The following SCNN1B variants were observed in gnomAD, a reference collection of about 807,000 sequenced individuals.
SCNN1B encodes the protein epithelial sodium channel subunit beta.
In SCNN1B, 46 loss-of-function variants were observed where a neutral mutation model predicts 65.3. The observed-to-expected ratio is 0.70, with a 90% CI of 0.56 to 0.90. The LOEUF (loss-of-function observed/expected upper bound fraction) is 0.90. SCNN1B is among the 40% of genes least tolerant of loss of function. The pLI is 0.00. For synonymous variants in SCNN1B, 349 were observed against 330.6 expected, an observed-to-expected ratio of 1.06 and a Z score of -0.60; for missense variants, 751 against 830.5, an observed-to-expected ratio of 0.90 and a Z score of 1.18.
intron 4 of SCNN1B, among the ~76,000 whole-genome samples, chr16:23,365,762 T>C (rs996605700): frequency 1.1e-4 from 16 of 152,144 alleles, no homozygotes; most frequent in African/African-American, 3.6e-4. Context: ...CAACAAACAT[T>C]TATTGGGTGG....
Position 23,323,457 on chromosome 16 carries a change from C to T in SCNN1B, c.-9+21020C>T, listed in dbSNP as rs530081825. On this transcript the variant is annotated intron_variant, in intron 1 of 12. Coordinates refer to ENST00000343070, the MANE Select transcript of SCNN1B (RefSeq NM_000336.3). ...AGAAGCCTCTCATAGGCACTGATCTCTCTCCATGCCAGACACTGTGCTAGG... is the reference window on the plus strand; with the variant it reads ...AGAAGCCTCTCATAGGCACTGATCTTTCTCCATGCCAGACACTGTGCTAGG... 1.3e-5 allele frequency: 9 copies of T among 689,404 alleles called. No homozygotes were observed. In the African/African-American group the frequency reaches 1.4e-4, roughly 11 times the overall value. The allele number at this position is 689,404 out of a possible 1,614,324, so 42.7% of individuals were successfully genotyped here.
rs756543348 is a variant in SCNN1B at position 23,380,808 on chromosome 16, C to T, written c.*7C>T. On this transcript the variant is annotated 3_prime_UTR_variant, in exon 13 of 13. Coordinates refer to ENST00000343070, the MANE Select transcript of SCNN1B (RefSeq NM_000336.3). The surrounding 1 kb of genome is among the most constrained non-coding windows in gnomAD (Gnocchi z 5.4). ...TGAGGGTGATGCCATCTAACCCTGC[C>T]CCTGCCCACCCCGGGCGGCTGAAAC... is the stretch of plus-strand genomic sequence containing the variant. The T allele has an allele frequency of 1.9e-6, 3 of 1,611,904 alleles. No individual in the cohort carries two copies. The East Asian group carries it at 6.7e-5, about 36-fold the overall frequency.
chr16:23,317,344 C>G (rs1266579815), intron 1 of SCNN1B, among the ~76,000 whole-genome samples: 1 of 152,204 alleles, frequency 6.6e-6, no homozygotes, highest in Non-Finnish European at 1.5e-5. Context: ...CTCAGGGTGT[C>G]TGGTTGGTAG....
chr16:23,283,184 G>A (rs1352278358), intron 1 of SCNN1B, among the ~76,000 whole-genome samples: 1 of 152,248 alleles, frequency 6.6e-6, no homozygotes, highest in Non-Finnish European at 1.5e-5. Context: ...GCTGAGGCAG[G>A]TGGATCACTT....
intron 1 of SCNN1B, among the ~76,000 whole-genome samples, chr16:23,322,541 C>G (rs1961610680): frequency 1.3e-5 from 2 of 152,106 alleles, no homozygotes; most frequent in South Asian, 4.2e-4. Context: ...GAATTCCTGG[C>G]CTCAAGTGAT....
intron 5 of SCNN1B, among the ~76,000 whole-genome samples, chr16:23,368,880 C>T (rs1962726066): frequency 6.6e-6 from 1 of 151,978 alleles, no homozygotes; most frequent in African/African-American, 2.4e-5. Context: ...GAAGGAGAGA[C>T]ATCAGAGACT....
chr16:23,292,217 G>A (rs1327756559), intron 2 of SCNN1B, among the ~76,000 whole-genome samples: 5 of 142,864 alleles, frequency 3.5e-5, no homozygotes, highest in Admixed American at 7.0e-5. Context: ...TTTTTGAGAC[G>A]GAGTCTCGCT....
At chr16:23,342,157 A>G (rs529424443) in intron 1 of SCNN1B, among the ~76,000 whole-genome samples, 5 of 152,376 alleles carry the variant, frequency 3.3e-5, no homozygotes, top group South Asian at 2.1e-4. Flanking sequence ...TTAGCAATAG[A>G]AAGAAATGAA....
chr16:23,355,828 C>A (rs1014231199), intron 4 of SCNN1B, among the ~76,000 whole-genome samples: 1 of 151,788 alleles, frequency 6.6e-6, no homozygotes, highest in African/African-American at 2.4e-5. Context: ...GGGTGGCTTA[C>A]CCCTGTAGTC....
intron 2 of SCNN1B, among the ~76,000 whole-genome samples, chr16:23,293,714 T>G (rs1960957988): frequency 6.6e-6 from 1 of 150,818 alleles, no homozygotes; most frequent in Non-Finnish European, 1.5e-5. Context: ...ATCACTTGAG[T>G]GCAGGAGTTT....
chr16:23,343,592 AAAGAAAGAAAG>A (rs1414015732), intron 1 of SCNN1B, among the ~76,000 whole-genome samples: 2 of 75,908 alleles, frequency 2.6e-5, no homozygotes, highest in East Asian at 9.2e-4. Flanking sequence ...AGAAAGAAAG[AAAGAAAGAAAG>A]AAAGAAAGAA....
intron 4 of SCNN1B, among the ~76,000 whole-genome samples, chr16:23,360,209 T>TAAATAAATAAATAAAA (rs1555488448): frequency 4.7e-5 from 7 of 149,912 alleles, no homozygotes; most frequent in South Asian, 4.2e-4. Flanking sequence ...AAAAAATAAA[T>TAAATAAATAAATAAAA]AAATAAATAA....
At position 23,380,396 on chromosome 16, in the gene SCNN1B, C is replaced by T; in HGVS notation, c.1543-25C>T. On this transcript the variant is annotated intron_variant, in intron 12 of 12. Transcript: ENST00000343070. This position sits in a 1 kb window ranked among gnomAD's most constrained non-coding sequence, Gnocchi z 5.4. ...GAGGCAAGAATGTGTGGCCTGAGCT[C>T]ACCCCAGCTCCCTGTTCCCCACAGA... The T allele has an allele frequency of 1.2e-6, 2 of 1,613,888 alleles. No individual in the cohort carries two copies. The highest frequency in any genetic ancestry group is 8.5e-7 in the Non-Finnish European group (1 of 1,180,028).
At chr16:23,326,848 G>T (rs1374159675) in intron 1 of SCNN1B, among the ~76,000 whole-genome samples, 1 of 152,076 alleles carries the variant, frequency 6.6e-6, no homozygotes, top group Non-Finnish European at 1.5e-5. Flanking sequence ...TGACGTCTGG[G>T]TTTTCAGTGT....
chr16:23,346,036 A>G (rs1426370638), intron 1 of SCNN1B, among the ~76,000 whole-genome samples: 1 of 152,028 alleles, frequency 6.6e-6, no homozygotes, highest in Non-Finnish European at 1.5e-5. Flanking sequence ...CATAACAAGT[A>G]CCTGGTGGTC....
At chr16:23,363,332 C>T (rs751236811) in intron 4 of SCNN1B, among the ~76,000 whole-genome samples, 13 of 152,172 alleles carry the variant, frequency 8.5e-5, no homozygotes, top group Non-Finnish European at 1.2e-4. Flanking sequence ...GGCACGAAGA[C>T]GTGATGTAAC....
intron 1 of SCNN1B, among the ~76,000 whole-genome samples, chr16:23,321,622 C>T (rs188036531): frequency 2.0e-5 from 3 of 152,098 alleles, no homozygotes; most frequent in African/African-American, 7.2e-5. Flanking sequence ...AGGCAATGAC[C>T]CCCCGGAGCA....
At chr16:23,364,516 T>C (rs1282293751) in intron 4 of SCNN1B, among the ~76,000 whole-genome samples, 1 of 152,178 alleles carries the variant, frequency 6.6e-6, no homozygotes, top group Non-Finnish European at 1.5e-5. Flanking sequence ...TTTGGAGGGT[T>C]CTCAGAAAGG....
intron 1 of SCNN1B, chr16:23,323,496 C>A: frequency 1.4e-6 from 1 of 702,294 alleles, no homozygotes; most frequent in South Asian, 1.5e-5. Flanking sequence ...TTCATATTTA[C>A]AATTTAATCT....
Sources: allele counts gnomAD v4.1 joint callset (sites outside exome capture counted in the v4.1 genomes callset), GRCh38; gene constraint gnomAD v4.1.1; non-coding constraint Gnocchi (gnomAD v3.1); transcripts MANE v1.5; gene names NCBI Gene and HGNC (gene_info 2026-07-23, HGNC 2026-07-21).